Variants in GLG1 observed in about 807,000 individuals in gnomAD.
GLG1 encodes Golgi apparatus protein 1.
A neutral mutation model predicts 160.5 loss-of-function variants in GLG1; 38 were observed. The observed-to-expected ratio is 0.24, with a 90% CI of 0.18 to 0.31. The LOEUF (loss-of-function observed/expected upper bound fraction) is 0.31, where lower values mean the gene tolerates loss of function less well. Ranked by LOEUF, GLG1 falls within the 10% of genes least tolerant of loss-of-function variation. The pLI, the probability that GLG1 is intolerant of heterozygous loss-of-function variation, is 1.00. For synonymous variants in GLG1, 644 were observed against 543.4 expected, an observed-to-expected ratio of 1.19 and a Z score of -2.57; for missense variants, 1,373 against 1,505.2, an observed-to-expected ratio of 0.91 and a Z score of 1.45.
intron 4 of GLG1, among the ~76,000 whole-genome samples, chr16:74,500,053 C>A (rs963169246): frequency 1.3e-5 from 2 of 152,126 alleles, no homozygotes; most frequent in Non-Finnish European, 2.9e-5. Flanking sequence ...TAGATGTTTC[C>A]ATTCATTGTA....
At chr16:74,484,705 A>G (rs1038710431) in intron 9 of GLG1, among the ~76,000 whole-genome samples, 2 of 152,000 alleles carry the variant, frequency 1.3e-5, no homozygotes, top group Non-Finnish European at 2.9e-5. Context: ...AGGCAGAGGC[A>G]GCACTAAGCG....
Position 74,447,619 on chromosome 16 carries a change from GTATT to G in GLG1, c.*5544_*5547del, listed in dbSNP as rs2014118847. 1 of 152,234 alleles carries G rather than the reference GTATT, an allele frequency of 6.6e-6. No homozygotes were observed. The highest frequency in any genetic ancestry group is 1.5e-5 in the Non-Finnish European group (1 of 68,034). 9.4% of individuals were successfully genotyped at this position (152,234 alleles called of 1,614,324 possible). On this transcript the variant is annotated 3_prime_UTR_variant, in exon 26 of 26. Transcript: ENST00000422840. ...CATTTACAAAAGAGGCTTGTTAATT[GTATT>G]TTTTTCTTTCTTTCAAAAACAAAAC...
At position 74,451,829 on chromosome 16, in the gene GLG1, G is replaced by A. The variant is rs2014317601; in HGVS notation, c.*1338C>T. ...CCACACTGGAGGAATGAGGCGGGAT[G>A]GCCAAGAATATTGCTTCTATAAAGC... On this transcript the variant is annotated 3_prime_UTR_variant, in exon 26 of 26. Coordinates refer to ENST00000422840, the MANE Select transcript of GLG1 (RefSeq NM_001145667.2). 2.0e-6 allele frequency: 1 copy of A among 491,940 alleles called. No homozygotes were observed. Among genetic ancestry groups the A allele is most frequent in the Admixed American group, 3.3e-5 (1 of 30,600 alleles). 30.5% of individuals were successfully genotyped at this position (491,940 alleles called of 1,614,324 possible). A position where few individuals can be genotyped will look rare whatever the true frequency, so the allele number is the denominator to read the frequency against.
At chr16:74,588,559 A>T (rs999226260) in intron 1 of GLG1, among the ~76,000 whole-genome samples, 1 of 152,024 alleles carries the variant, frequency 6.6e-6, no homozygotes, top group Non-Finnish European at 1.5e-5. Context: ...AGCCAGGACT[A>T]CAGGCTCTCA....
At chr16:74,456,326 A>G (rs1384491739) in intron 25 of GLG1, among the ~76,000 whole-genome samples, 1 of 152,156 alleles carries the variant, frequency 6.6e-6, no homozygotes, top group Admixed American at 6.5e-5. Flanking sequence ...CACACTGACC[A>G]TGTTTACTGT....
At chr16:74,483,148 G>GT (rs757357701) in intron 9 of GLG1, 24 bp from the exon 10 acceptor site, 2 of 1,349,894 alleles carry the variant, frequency 1.5e-6, no homozygotes, top group African/African-American at 2.9e-5. Flanking sequence ...GTGTAAAATT[G>GT]TAACAAGAGA....
At chr16:74,590,574 T>C (rs945741567) in intron 1 of GLG1, among the ~76,000 whole-genome samples, 20 of 144,928 alleles carry the variant, frequency 1.4e-4, no homozygotes, top group South Asian at 8.6e-4. Flanking sequence ...TGAGCCGAGA[T>C]TACACCACTG....
At chr16:74,593,952 G>C (rs1229771496) in intron 1 of GLG1, among the ~76,000 whole-genome samples, 1 of 151,716 alleles carries the variant, frequency 6.6e-6, no homozygotes, top group Non-Finnish European at 1.5e-5. Context: ...TGTTGCCCAG[G>C]CTAGAGTGCA....
chr16:74,524,879 C>A (rs1747931307), intron 2 of GLG1, among the ~76,000 whole-genome samples: 1 of 152,190 alleles, frequency 6.6e-6, no homozygotes, highest in Non-Finnish European at 1.5e-5. Context: ...CCCCACTTCT[C>A]TGAGTTCCTG....
chr16:74,514,123 A>C (rs544373322), intron 2 of GLG1, among the ~76,000 whole-genome samples: 103 of 152,342 alleles, frequency 6.8e-4, no homozygotes, highest in African/African-American at 2.3e-3. Context: ...AAAACCTCCA[A>C]GAAATATGGC....
chr16:74,579,085 G>A (rs1475887740), intron 1 of GLG1, among the ~76,000 whole-genome samples: 1 of 152,152 alleles, frequency 6.6e-6, no homozygotes, highest in African/African-American at 2.4e-5. Flanking sequence ...AAATTCATAA[G>A]TTGTTTTTAA....
At chr16:74,588,607 T>C (rs1488928218) in intron 1 of GLG1, among the ~76,000 whole-genome samples, 9 of 152,014 alleles carry the variant, frequency 5.9e-5, no homozygotes, top group African/African-American at 2.2e-4. Flanking sequence ...TTTGTAGAGA[T>C]GAGGTTTCGC....
chr16:74,479,051 C>CA lies in GLG1; in HGVS notation c.1827+1189dup, dbSNP rs34125450. ...AGAAACCCCGTCTCTATTAAAAATCCAAAAAAAAAAAAAAAAAAAAAAAAA... is the reference window on the plus strand; with the variant it reads ...AGAAACCCCGTCTCTATTAAAAATCCAAAAAAAAAAAAAAAAAAAAAAAAAA... On this transcript the variant is annotated intron_variant, in intron 11 of 25. Transcript: ENST00000422840. Among the ~76,000 whole-genome samples the CA allele has an allele frequency of 5.5e-3, 96 of 17,580 alleles. 23 individuals are homozygous for CA. Among genetic ancestry groups the CA allele is most frequent in the African/African-American group, 0.027 (88 of 3,232 alleles). The allele number at this position is 17,580 out of a possible 152,430, so 11.5% of individuals were successfully genotyped here.
chr16:74,501,918 C>T (rs1165230284), intron 4 of GLG1, among the ~76,000 whole-genome samples: 1 of 152,178 alleles, frequency 6.6e-6, no homozygotes, highest in Non-Finnish European at 1.5e-5. Context: ...CAGAGTTTTT[C>T]AAGACCAACT....
chr16:74,491,014 T>G lies in GLG1; in HGVS notation c.1436A>C (p.Asn479Thr). ...VRGEKGNLGM[N>T]CQQALQTLIQ... ...ATGTCTCCTTACCGCCTGCTGGCAG[T>G]TCATTCCAAGGTTCCCCTTCTCCCC... The change falls in exon 8 of 26, where the codon AAC (asparagine) becomes ACC (threonine). Residue 479 changes from asparagine (N) to threonine (T), a missense_variant. By Grantham distance (65) the Asn-to-Thr change is moderately conservative. Transcript: ENST00000422840. The G allele has an allele frequency of 6.2e-7, 1 of 1,613,348 alleles. No individual in the cohort carries two copies. The highest frequency in any genetic ancestry group is 8.5e-7 in the Non-Finnish European group (1 of 1,179,286).
chr16:74,517,917 G>C (rs2017034002), intron 2 of GLG1, among the ~76,000 whole-genome samples: 1 of 152,080 alleles, frequency 6.6e-6, no homozygotes, highest in South Asian at 2.1e-4. Context: ...CAGACAAACA[G>C]AGAGCCCAAT....
intron 1 of GLG1, among the ~76,000 whole-genome samples, chr16:74,584,753 T>C (rs1332879218): frequency 6.6e-6 from 1 of 151,884 alleles, no homozygotes; most frequent in Non-Finnish European, 1.5e-5. Context: ...CCATCTCTAC[T>C]AAAAATACAA....
rs996743255 is a variant in GLG1 at position 74,589,270 on chromosome 16, G to C, written c.438+17387C>G. Among the ~76,000 whole-genome samples the C allele has an allele frequency of 2.8e-5, 4 of 145,336 alleles. No individual in the cohort carries two copies. The East Asian group carries it at 6.1e-4, about 22-fold the overall frequency. On this transcript the variant is annotated intron_variant, in intron 1 of 25. Transcript: ENST00000422840. Reference sequence around the variant, plus strand: ...ACTCTCTGTCTCAAAAAAAAAAAAAGAACAATTATGTTAAACCATATGAAA... The same window carrying C: ...ACTCTCTGTCTCAAAAAAAAAAAAACAACAATTATGTTAAACCATATGAAA...
At chr16:74,539,085 C>T (rs1467590713) in intron 1 of GLG1, among the ~76,000 whole-genome samples, 1 of 150,060 alleles carries the variant, frequency 6.7e-6, no homozygotes, top group Non-Finnish European at 1.5e-5. Context: ...AAGTGAGGGA[C>T]CCCATGACAA....
Sources: gnomAD v4.1 joint callset for allele counts (sites outside exome capture counted in the v4.1 genomes callset) on GRCh38, gnomAD v4.1.1 for gene constraint, MANE v1.5 for transcripts, NCBI Gene and HGNC (gene_info 2026-07-23, HGNC 2026-07-21) for gene names.